Variants in MYBPC2 observed in about 807,000 individuals in gnomAD.
The protein encoded by MYBPC2 is myosin binding protein C2.
Under a neutral mutation model 137.0 loss-of-function variants are expected in MYBPC2, and 122 were observed. The ratio of observed to expected loss-of-function variants is 0.89; its 90% confidence interval spans 0.77 to 1.03. The LOEUF (loss-of-function observed/expected upper bound fraction) is 1.03, where lower values mean the gene tolerates loss of function less well. Ranked by LOEUF, MYBPC2 falls within the 50% of genes least tolerant of loss-of-function variation. The pLI, the probability that MYBPC2 is intolerant of heterozygous loss-of-function variation, is 0.00. For missense variants in MYBPC2, 1,500 were observed against 1,534.4 expected (o/e 0.98, Z 0.37); for synonymous variants, 626 against 612.3 (o/e 1.02, Z -0.33).
At chr19:50,436,270 T>C in intron 4 of MYBPC2, 110 bp downstream of exon 4, 1 of 1,452,580 alleles carries the variant, frequency 6.9e-7, no homozygotes, top group South Asian at 1.4e-5. Context: ...GGAGCCGGGA[T>C]GGAGAGTGGG....
chr19:50,452,548 C>G (rs867956288), intron 16 of MYBPC2, among the ~76,000 whole-genome samples: 2 of 133,396 alleles, frequency 1.5e-5, no homozygotes, highest in South Asian at 2.3e-4. Flanking sequence ...ATGTATCTAT[C>G]TATCTATCTA....
In MYBPC2 at chr19:50,435,847, G is replaced by A. The variant is rs752824717; in HGVS notation, c.181G>A (p.Val61Ile). The A allele has an allele frequency of 1.8e-5, 28 of 1,598,724 alleles. No individual in the cohort carries two copies. The highest frequency in any genetic ancestry group is 6.9e-5 in the Admixed American group (4 of 58,180). Residue 61 changes from valine to isoleucine, a missense_variant, in exon 3 of 28, where the codon GTC becomes ATC. Val to Ile is a conservative substitution (Grantham distance 29). Coordinates refer to ENST00000357701, the MANE Select transcript of MYBPC2 (RefSeq NM_004533.4). The surrounding 1 kb of genome is among the most constrained non-coding windows in gnomAD (Gnocchi z 4.8). Reference protein sequence around the residue: ...TGVFLKKPDSVSVETGKDAVV... With the variant: ...TGVFLKKPDSISVETGKDAVV... ...CGTTTTCCTGAAGAAGCCGGACTCC[G>A]TCTCAGTGGAGACTGGTGAGGGGAA...
chr19:50,461,480 T>C, intron 24 of MYBPC2, 62 bp from the exon 25 acceptor site: 9 of 1,518,962 alleles, frequency 5.9e-6, no homozygotes, highest in Non-Finnish European at 8.1e-6. Context: ...GTCTGTGTCT[T>C]GTGTGTAATC....
At chr19:50,457,399 A>G (rs2039923345) in intron 20 of MYBPC2, among the ~76,000 whole-genome samples, 1 of 152,198 alleles carries the variant, frequency 6.6e-6, no homozygotes. Context: ...AAAAGCAGGC[A>G]ATCTGAAGAG....
At chr19:50,439,595 CGTCT>C (rs1217886211) in intron 7 of MYBPC2, among the ~76,000 whole-genome samples, 3 of 140,174 alleles carry the variant, frequency 2.1e-5, no homozygotes, top group Non-Finnish European at 4.7e-5. Context: ...TGAGGCCTCC[CGTCT>C]ACTAGGTCCT....
At chr19:50,440,678 C>CAAAAAA (rs753930627) in intron 7 of MYBPC2, among the ~76,000 whole-genome samples, 14 of 140,398 alleles carry the variant, frequency 1.0e-4, no homozygotes, top group Admixed American at 1.4e-4. Flanking sequence ...AAAAAAAAAC[C>CAAAAAA]AAAAAACCCA....
chr19:50,448,474 ATTT>A (rs1211001890), intron 13 of MYBPC2, 84 bp downstream of exon 13: 5 of 1,187,280 alleles, frequency 4.2e-6, no homozygotes, highest in Non-Finnish European at 5.7e-6. Flanking sequence ...TCCCCCATTT[ATTT>A]TTTTTTTTGA....
intron 24 of MYBPC2, among the ~76,000 whole-genome samples, chr19:50,461,025 A>T (rs1342747603): frequency 2.1e-5 from 3 of 141,726 alleles, no homozygotes; most frequent in African/African-American, 8.2e-5. Context: ...TTTTTTTGAG[A>T]CAGGGTCTTA....
intron 20 of MYBPC2, among the ~76,000 whole-genome samples, chr19:50,457,680 GTT>G (rs544491551): frequency 3.4e-4 from 43 of 126,364 alleles, no homozygotes; most frequent in Non-Finnish European, 2.3e-4. Flanking sequence ...CCTGGGGAAA[GTT>G]TTTTTTTTTT....
In MYBPC2 at chr19:50,435,386, C is replaced by A; in HGVS notation, c.109+136C>A. 1.5e-6 allele frequency: 1 copy of A among 650,076 alleles called. No individual in the cohort carries two copies. 40.3% of individuals were successfully genotyped at this position (650,076 alleles called of 1,614,324 possible). ...AGCCCCAGGGCTGACCCACGCCTCC[C>A]GTGCTCCCAGCCCTCCCGGGGCTCC... On this transcript the variant is annotated intron_variant, in intron 2 of 27. Transcript: ENST00000357701. The surrounding 1 kb of genome is among the most constrained non-coding windows in gnomAD (Gnocchi z 4.8).
Position 50,455,512 on chromosome 19 carries a change from C to T in MYBPC2, c.2206C>T (p.Pro736Ser). 1 of 1,613,092 alleles carries T rather than the reference C, an allele frequency of 6.2e-7. No homozygotes were observed. Among genetic ancestry groups the T allele is most frequent in the Non-Finnish European group, 8.5e-7 (1 of 1,179,252 alleles). ...MNTKPFMPIAPTSEPLHLIVE... is the reference protein window; with the variant it reads ...MNTKPFMPIASTSEPLHLIVE... ...CCTCTTTTTCTGGATGCTTGCAGCA[C>T]CCACGAGTGAACCCCTGCACCTGAT... is the stretch of plus-strand genomic sequence containing the variant. Residue 736 changes from proline (P) to serine (S), a missense_variant and splice_region_variant, in exon 20 of 28, where the codon CCC (proline) becomes TCC (serine). Pro to Ser is a moderately conservative substitution (Grantham distance 74, BLOSUM62 -1). Coordinates refer to ENST00000357701, the MANE Select transcript of MYBPC2 (RefSeq NM_004533.4).
chr19:50,444,113 G>A (rs1365798466), intron 11 of MYBPC2, among the ~76,000 whole-genome samples: 2 of 151,242 alleles, frequency 1.3e-5, no homozygotes, highest in African/African-American at 4.9e-5. Context: ...ATCTATCCAG[G>A]TATCCACTCA....
chr19:50,460,030 C>T lies in MYBPC2; in HGVS notation c.2792-10C>T, dbSNP rs749583247. 2 of 1,550,996 alleles carry T rather than the reference C, an allele frequency of 1.3e-6. No homozygotes were observed. The highest frequency in any genetic ancestry group is 2.4e-5 in the South Asian group (2 of 84,010). ...ACCTGGACTGACTTGTCACACTTCC[C>T]CATTTCCAGAAAAGGCTGGGCCCCC... On this transcript the variant is annotated splice_polypyrimidine_tract_variant and intron_variant, in intron 23 of 27. Coordinates refer to ENST00000357701, the MANE Select transcript of MYBPC2 (RefSeq NM_004533.4).
intron 21 of MYBPC2, 33 bp from the exon 22 acceptor site, chr19:50,458,885 C>T: frequency 6.3e-7 from 1 of 1,599,230 alleles, no homozygotes; most frequent in Non-Finnish European, 8.5e-7. Context: ...CCCGGCCCCC[C>T]GCTGAGCCCC....
intron 24 of MYBPC2, 122 bp from the exon 25 acceptor site, chr19:50,461,420 T>C: frequency 1.9e-6 from 2 of 1,058,462 alleles, no homozygotes; most frequent in East Asian, 2.6e-5. Context: ...TAGTGCGCCA[T>C]GAGTGACATT....
chr19:50,436,998 G>A (rs1048316206), intron 5 of MYBPC2, among the ~76,000 whole-genome samples: 7 of 152,182 alleles, frequency 4.6e-5, no homozygotes, highest in East Asian at 1.9e-4. Context: ...CACATTCCAC[G>A]TTTAAGAAAG....
intron 16 of MYBPC2, among the ~76,000 whole-genome samples, chr19:50,452,267 G>A (rs780702430): frequency 1.6e-4 from 25 of 152,088 alleles, no homozygotes; most frequent in Non-Finnish European, 2.4e-4. Context: ...TAACTCATCC[G>A]CCCATCCAGC....
chr19:50,435,879 G>A lies in MYBPC2; in HGVS notation c.196+17G>A, dbSNP rs2039698261. ...TGGAGACTGGTGAGGGGAACCCGGG[G>A]GAGGAGGGGCTGCGGCCCGGACTCC... is the stretch of plus-strand genomic sequence containing the variant. On this transcript the variant is annotated intron_variant, in intron 3 of 27. Coordinates refer to ENST00000357701, the MANE Select transcript of MYBPC2 (RefSeq NM_004533.4). This position sits in a 1 kb window ranked among gnomAD's most constrained non-coding sequence, Gnocchi z 4.8. 2 of 1,573,298 alleles carry A rather than the reference G, an allele frequency of 1.3e-6. No homozygotes were observed. The highest frequency in any genetic ancestry group is 1.2e-5 in the South Asian group (1 of 85,946).
chr19:50,461,458 AC>A, intron 24 of MYBPC2, 83 bp from the exon 25 acceptor site: 1 of 1,393,224 alleles, frequency 7.2e-7, no homozygotes, highest in Non-Finnish European at 9.8e-7. Context: ...TGCTTTTCTC[AC>A]CCCTTCTTTC....
Sources: gnomAD v4.1 joint callset for allele counts (sites outside exome capture counted in the v4.1 genomes callset) on GRCh38, gnomAD v4.1.1 for gene constraint, Gnocchi (gnomAD v3.1) non-coding constraint, MANE v1.5 for transcripts, NCBI Gene and HGNC (gene_info 2026-07-23, HGNC 2026-07-21) for gene names.